USP54: variants seen among roughly 807,000 people sequenced by gnomAD.
USP54 encodes the protein ubiquitin carboxyl-terminal hydrolase 54.
In USP54, 87 loss-of-function variants were observed where a neutral mutation model predicts 170.5. The observed-to-expected ratio is 0.51, with a 90% CI of 0.43 to 0.61. USP54 has a LOEUF of 0.61. Ranked by LOEUF, USP54 falls within the 20% of genes least tolerant of loss-of-function variation. USP54 has a pLI of 0.00. For missense variants in USP54, 1,786 were observed against 2,047.8 expected (o/e 0.87, Z 2.47); for synonymous variants, 655 against 742.8 (o/e 0.88, Z 1.92).
At chr10:73,518,793 G>C (rs2061462323) in intron 19 of USP54, 1 of 150,092 alleles carries the variant, frequency 6.7e-6, no homozygotes, top group African/African-American at 2.5e-5. Flanking sequence ...TGCCATCACG[G>C]CTCACTGCAG....
rs544327611 is a variant in USP54, at chr10:73,532,427, G to A, written c.1316-1592C>T. Among the ~76,000 whole-genome samples, 11 of 152,100 alleles carry A rather than the reference G, an allele frequency of 7.2e-5. No individual in the cohort carries two copies. In the South Asian group the frequency reaches 1.7e-3, roughly 23 times the overall value. On this transcript the variant is annotated intron_variant, in intron 12 of 23. Coordinates refer to ENST00000687698, the MANE Select transcript of USP54 (RefSeq NM_001391956.1). Reference sequence around the variant, plus strand: ...CCTGACCTCGTGATCCACCCACCTCGGCCTCCCAAAGTGCTGGGATTACAG... The same window carrying A: ...CCTGACCTCGTGATCCACCCACCTCAGCCTCCCAAAGTGCTGGGATTACAG...
intron 1 of USP54, among the ~76,000 whole-genome samples, chr10:73,579,261 T>C (rs2076553000): frequency 6.6e-6 from 1 of 152,030 alleles, no homozygotes; most frequent in South Asian, 2.1e-4. Context: ...AAAGATTCCT[T>C]AGATACAACA....
At chr10:73,527,837 CAAAAAA>C (rs1015620084) in intron 15 of USP54, among the ~76,000 whole-genome samples, 1 of 43,720 alleles carries the variant, frequency 2.3e-5, no homozygotes, top group Non-Finnish European at 4.7e-5. Flanking sequence ...CCATCGATAC[CAAAAAA>C]AAAAAAAAAA....
intron 20 of USP54, among the ~76,000 whole-genome samples, chr10:73,507,589 G>A (rs1020292745): frequency 5.5e-5 from 8 of 144,958 alleles, no homozygotes; most frequent in South Asian, 2.2e-4. Context: ...CAGGAGAATC[G>A]CTTGAACCCG....
chr10:73,504,826 T>A (rs751187479), intron 22 of USP54, 24 bp downstream of exon 22: 21 of 1,614,068 alleles, frequency 1.3e-5, no homozygotes, highest in Admixed American at 1.7e-5. Flanking sequence ...GTGCTCTGAA[T>A]AGATGGACCC....
At chr10:73,499,524 C>A (rs922023192) in intron 23 of USP54, 10 of 201,356 alleles carry the variant, frequency 5.0e-5, no homozygotes, top group African/African-American at 2.3e-4. Flanking sequence ...CGTATACTCC[C>A]TTTGTGATGA....
At position 73,500,805 on chromosome 10, in the gene USP54, C is replaced by T. The variant is rs111294104; in HGVS notation, c.4345G>A (p.Gly1449Arg). 2.3e-5 allele frequency: 37 copies of T among 1,598,348 alleles called. No homozygotes were observed. Among genetic ancestry groups the T allele is most frequent in the Middle Eastern group, 1.7e-4 (1 of 6,022 alleles). Reference sequence around the variant, plus strand: ...GAAGAGGAGCTGGAACAACGGTGCCCGGTTTCCAAAGGCTTCCTCACGTTT... The same window carrying T: ...GAAGAGGAGCTGGAACAACGGTGCCTGGTTTCCAAAGGCTTCCTCACGTTT... The part of the protein sequence containing the change: ...SSNVRKPLET[G>R]HRCSSSSSLP... Residue 1449 changes from glycine to arginine, a missense_variant, in exon 23 of 24, where the codon GGG (glycine) becomes AGG (arginine). Gly to Arg is a moderately radical substitution (Grantham distance 125). Around this residue, in one of 3 missense-constraint regions of USP54, gnomAD observed 1,418 missense variants for 1,569.0 expected, o/e 0.90. Coordinates refer to ENST00000687698, the MANE Select transcript of USP54 (RefSeq NM_001391956.1).
chr10:73,568,244 G>C (rs886409406), intron 4 of USP54, among the ~76,000 whole-genome samples: 2 of 152,120 alleles, frequency 1.3e-5, no homozygotes, highest in African/African-American at 2.4e-5. Flanking sequence ...GGGAACAAAA[G>C]AGACATCGTA....
At chr10:73,571,137 CAAAAAAA>C (rs59126730) in intron 4 of USP54, among the ~76,000 whole-genome samples, 20 of 44,324 alleles carry the variant, frequency 4.5e-4, no homozygotes, top group Non-Finnish European at 1.8e-4. Context: ...GACTTCATCC[CAAAAAAA>C]AAAAAAAAAA....
intron 1 of USP54, among the ~76,000 whole-genome samples, chr10:73,589,123 C>T (rs2077899386): frequency 6.6e-6 from 1 of 152,162 alleles, no homozygotes. Context: ...TTGCCTTACA[C>T]TCAACAAATG....
intron 1 of USP54, among the ~76,000 whole-genome samples, chr10:73,605,964 T>C (rs1041974693): frequency 2.0e-5 from 3 of 151,616 alleles, no homozygotes; most frequent in African/African-American, 7.3e-5. Context: ...GATCACCCAA[T>C]GTCAGGAGTT....
chr10:73,530,789 T>C lies in USP54; in HGVS notation c.1362A>G (p.Lys454=), dbSNP rs1313075953. Residue 454 remains lysine (K), a synonymous_variant, in exon 13 of 24, where the codon AAA becomes AAG. Coordinates refer to ENST00000687698, the MANE Select transcript of USP54 (RefSeq NM_001391956.1). ...TCCTCTTGCGCTCTATCAGTGACCC[T>C]TTCTTGGATGTGTGTTTCTGATTAC... ...SECNQKHTSK[K]GSLIERKRSS... 3.7e-6 allele frequency: 6 copies of C among 1,614,146 alleles called. No homozygotes were observed. Among genetic ancestry groups the C allele is most frequent in the South Asian group, 3.3e-5 (3 of 91,072 alleles).
At chr10:73,516,304 T>C (rs2061071919) in intron 20 of USP54, 71 bp downstream of exon 20, 1 of 1,499,946 alleles carries the variant, frequency 6.7e-7, no homozygotes, top group Non-Finnish European at 9.0e-7. Context: ...AACACTCCCT[T>C]CTGATCTTTC....
rs118010916 is a variant in USP54 at position 73,504,921 on chromosome 10, G to A, written c.4240C>T (p.Arg1414Cys). The change falls in exon 22 of 24, where the codon CGC becomes TGC. Residue 1414 changes from arginine to cysteine, a missense_variant. Arg to Cys is a radical substitution (Grantham distance 180, BLOSUM62 -3). Coordinates refer to ENST00000687698, the MANE Select transcript of USP54 (RefSeq NM_001391956.1). ...GTGCCACTGAGACTGCGTGAGATGC[G>A]ACGTAAATTCTCTGCACTGTACTGC... ...DEQYSAENLRRISRSLSGTVV... is the reference protein window; with the variant it reads ...DEQYSAENLRCISRSLSGTVV... 8.1e-6 allele frequency: 13 copies of A among 1,614,062 alleles called. No homozygotes were observed. The highest frequency in any genetic ancestry group is 5.5e-5 in the South Asian group (5 of 91,074).
intron 4 of USP54, among the ~76,000 whole-genome samples, chr10:73,557,423 T>G (rs187088415): frequency 0.011 from 1,631 of 150,872 alleles, 10 homozygotes; most frequent in Non-Finnish European, 0.019. Flanking sequence ...CAGGTTCAAG[T>G]GATTCTCCTG....
intron 1 of USP54, among the ~76,000 whole-genome samples, chr10:73,612,103 C>T (rs1007210038): frequency 2.6e-5 from 4 of 152,104 alleles, no homozygotes; most frequent in Non-Finnish European, 2.9e-5. Context: ...GAGTTCGACC[C>T]TGTCTCAAAA....
At position 73,498,821 on chromosome 10, in the gene USP54, A is replaced by G. The variant is rs1227893380; in HGVS notation, c.4863T>C (p.Asp1621=). The change falls in exon 24 of 24, where the codon GAT becomes GAC. Residue 1621 remains aspartate, a synonymous_variant. Transcript: ENST00000687698. ...HVPLRSAWNS[D]PVPGSRTPGP... is the part of the protein sequence containing the mutation. ...CAGGGGTTCGGGACCCTGGAACAGG[A>G]TCTGAATTCCAAGCTGACCTCAGGG... 5.6e-6 allele frequency: 9 copies of G among 1,612,370 alleles called. No individual in the cohort carries two copies. Among genetic ancestry groups the G allele is most frequent in the African/African-American group, 1.3e-5 (1 of 74,856 alleles).
chr10:73,585,225 T>G (rs532314725), intron 1 of USP54, among the ~76,000 whole-genome samples: 93 of 152,246 alleles, frequency 6.1e-4, no homozygotes, highest in African/African-American at 2.2e-3. Flanking sequence ...GGGAAAAAAA[T>G]CAAAGCAGTC....
intron 11 of USP54, among the ~76,000 whole-genome samples, chr10:73,535,181 A>G (rs560280545): frequency 7.0e-4 from 106 of 152,274 alleles, no homozygotes; most frequent in African/African-American, 2.3e-3. Flanking sequence ...CAAGAATGTC[A>G]CTTAAATTTT....
Sources: gnomAD v4.1 joint callset for allele counts (sites outside exome capture counted in the v4.1 genomes callset) on GRCh38, gnomAD v4.1.1 for gene constraint, gnomAD v4.1.1 regional missense constraint, MANE v1.5 for transcripts, NCBI Gene and HGNC (gene_info 2026-07-23, HGNC 2026-07-21) for gene names.